ADCY5: variants seen among roughly 807,000 people sequenced by gnomAD.
The protein encoded by ADCY5 is adenylate cyclase type 5.
In ADCY5, 30 loss-of-function variants were observed where a neutral mutation model predicts 119.7. The observed-to-expected ratio is 0.25, with a 90% CI of 0.19 to 0.34. The LOEUF is 0.34. ADCY5 is among the 10% of genes least tolerant of loss of function. The pLI is 1.00. For synonymous variants in ADCY5, 753 were observed against 762.2 expected (o/e 0.99, Z 0.20); for missense variants, 1,324 against 1,775.2 (o/e 0.75, Z 4.57).
rs115290586 is a variant in ADCY5, at chr3:123,294,172, A to G, written c.3063+1912T>C. 3.5e-3 allele frequency among the ~76,000 whole-genome samples: 528 copies of G among 152,248 alleles called. 4 individuals carry two copies. The highest frequency in any genetic ancestry group is 0.014 in the Middle Eastern group (4 of 294). Reference sequence around the variant, plus strand: ...GAGAAGTGAATAAATAAGCAAATCAATGGAGGAGGAGGGACAGCTCTTCTG... The same window carrying G: ...GAGAAGTGAATAAATAAGCAAATCAGTGGAGGAGGAGGGACAGCTCTTCTG... On this transcript the variant is annotated intron_variant, in intron 17 of 20. Transcript: ENST00000462833.
intron 1 of ADCY5, among the ~76,000 whole-genome samples, chr3:123,354,455 A>G (rs1942968062): frequency 6.6e-6 from 1 of 152,208 alleles, no homozygotes; most frequent in Non-Finnish European, 1.5e-5. Flanking sequence ...TCCAGGAAGA[A>G]ATAGACCATG....
intron 1 of ADCY5, among the ~76,000 whole-genome samples, chr3:123,392,168 G>A (rs747486033): frequency 2.0e-5 from 3 of 152,206 alleles, no homozygotes; most frequent in South Asian, 2.1e-4. Context: ...TATAGCCTCC[G>A]TTATACTAAT....
In ADCY5 at chr3:123,327,648, G is replaced by T. The variant is rs769155291; in HGVS notation, c.1917C>A (p.Thr639=). Residue 639 remains threonine, a synonymous_variant, in exon 7 of 21, where the codon ACC becomes ACA. Coordinates refer to ENST00000462833, the MANE Select transcript of ADCY5 (RefSeq NM_183357.3). ...TCTGGGTGCAGCGCAGGATGAGGAA[G>T]GTCTCGATACTGTGCTCCTTGAGGT... ...NAYLKEHSIE[T]FLILRCTQKR... is the part of the protein sequence containing the mutation. 10 of 1,613,938 alleles carry T rather than the reference G, an allele frequency of 6.2e-6. No homozygotes were observed. The highest frequency in any genetic ancestry group is 3.3e-5 in the Admixed American group (2 of 59,980).
intron 10 of ADCY5, among the ~76,000 whole-genome samples, chr3:123,319,380 A>G (rs1941094795): frequency 6.6e-6 from 1 of 151,994 alleles, no homozygotes; most frequent in African/African-American, 2.4e-5. Context: ...AAAAAAGAAA[A>G]AAAAAAAGAA....
chr3:123,442,001 G>A (rs538785639), intron 1 of ADCY5, among the ~76,000 whole-genome samples: 2 of 151,172 alleles, frequency 1.3e-5, no homozygotes, highest in South Asian at 2.1e-4. Flanking sequence ...AAAAAAGCAG[G>A]GCTTTCCAAT....
intron 14 of ADCY5, 52 bp downstream of exon 14, chr3:123,303,003 G>A: frequency 6.3e-7 from 1 of 1,591,078 alleles, no homozygotes; most frequent in Admixed American, 1.7e-5. Context: ...TGACAGTGGG[G>A]GAGGGCAAGG....
rs1945878625 is a variant in ADCY5 at position 123,448,788 on chromosome 3, G to A, written c.-243C>T. On this transcript the variant is annotated 5_prime_UTR_variant, in exon 1 of 21. Coordinates refer to ENST00000462833, the MANE Select transcript of ADCY5 (RefSeq NM_183357.3). ...GAAGTCCCAGGTCCGAAATGGAGTT[G>A]CCTCCGAGGTGGGGTCGCAGGGACT... is the stretch of plus-strand genomic sequence containing the variant. 5.2e-6 allele frequency: 2 copies of A among 386,952 alleles called. No homozygotes were observed. The highest frequency in any genetic ancestry group is 2.9e-4 in the South Asian group (2 of 7,014). The allele number at this position is 386,952 out of a possible 1,614,324, so 24.0% of individuals were successfully genotyped here.
intron 1 of ADCY5, among the ~76,000 whole-genome samples, chr3:123,357,274 A>C (rs1379506408): frequency 6.6e-6 from 1 of 151,846 alleles, no homozygotes; most frequent in East Asian, 1.9e-4. Context: ...CATATCCAGG[A>C]GACTAAGAGA....
chr3:123,351,189 TG>T (rs1433263859), intron 2 of ADCY5, among the ~76,000 whole-genome samples: 1 of 151,764 alleles, frequency 6.6e-6, no homozygotes, highest in East Asian at 1.9e-4. Context: ...AGGTGGGGAC[TG>T]GGGGGCCTGG....
chr3:123,391,268 C>A (rs955506095), intron 1 of ADCY5, among the ~76,000 whole-genome samples: 3 of 152,156 alleles, frequency 2.0e-5, no homozygotes, highest in African/African-American at 7.2e-5. Flanking sequence ...AAAGCACGTG[C>A]CACTCCTGAG....
Position 123,447,715 on chromosome 3 carries a change from G to A in ADCY5, c.831C>T (p.Ala277=). 6.3e-7 allele frequency: 1 copy of A among 1,599,386 alleles called. No homozygotes were observed. Among genetic ancestry groups the A allele is most frequent in the Non-Finnish European group, 8.5e-7 (1 of 1,171,342 alleles). Residue 277 remains alanine (A), a synonymous_variant, in exon 1 of 21, where the codon GCC becomes GCT. Coordinates refer to ENST00000462833, the MANE Select transcript of ADCY5 (RefSeq NM_183357.3). ...QLPYLAVLAA[A]VGVILIMAVL... ...CAGCCATGATGAGGATCACGCCGAC[G>A]GCGGCCGCCAGCACGGCCAGGTAGG...
At chr3:123,313,093 G>A (rs1046474141) in intron 12 of ADCY5, among the ~76,000 whole-genome samples, 5 of 143,126 alleles carry the variant, frequency 3.5e-5, no homozygotes, top group Non-Finnish European at 7.4e-5. Flanking sequence ...GGCTCAGCGT[G>A]GCGTGCTTCT....
intron 1 of ADCY5, among the ~76,000 whole-genome samples, chr3:123,393,197 CAG>C (rs1266669412): frequency 6.6e-6 from 1 of 152,174 alleles, no homozygotes; most frequent in African/African-American, 2.4e-5. Flanking sequence ...CCCTCTCACT[CAG>C]AACTCTGCAG....
Position 123,325,411 on chromosome 3 carries a change from T to C in ADCY5, c.1999A>G (p.Ile667Val), listed in dbSNP as rs1576575939. The change falls in exon 8 of 21, where the codon ATC (isoleucine) becomes GTC (valine). Residue 667 changes from isoleucine (I) to valine (V), a missense_variant. Physicochemically the swap from Ile to Val is conservative, Grantham distance 29. Around this residue, in one of 6 missense-constraint regions of ADCY5, gnomAD observed 424 missense variants for 546.8 expected, o/e 0.78. Transcript: ENST00000462833. The part of the protein sequence containing the change: ...AKMNRQRTNS[I>V]GHNPPHWGAE... The stretch of plus-strand genomic sequence containing the variant: ...CCCCAGTGTGGTGGGTTGTGCCCGA[T>C]GGAGTTGGTTCTCTGGCGGTTCATC... 3.7e-6 allele frequency: 6 copies of C among 1,614,074 alleles called. No homozygotes were observed. In the Admixed American group the frequency reaches 6.7e-5, roughly 18 times the overall value.
At chr3:123,417,378 G>A (rs1272703438) in intron 1 of ADCY5, among the ~76,000 whole-genome samples, 5 of 152,204 alleles carry the variant, frequency 3.3e-5, no homozygotes, top group Non-Finnish European at 4.4e-5. Flanking sequence ...GGGAGATAAC[G>A]GCCCGCTGGC....
intron 1 of ADCY5, among the ~76,000 whole-genome samples, chr3:123,395,344 A>G (rs900945305): frequency 6.6e-6 from 1 of 151,980 alleles, no homozygotes; most frequent in Non-Finnish European, 1.5e-5. Flanking sequence ...CCTTCACAGC[A>G]CCTGTTCAGC....
At chr3:123,289,663 CG>C in intron 19 of ADCY5, 86 bp downstream of exon 19, 1 of 1,481,410 alleles carries the variant, frequency 6.8e-7, no homozygotes, top group Non-Finnish European at 9.4e-7. Flanking sequence ...ACCACAATGG[CG>C]GATGCGGTAT....
chr3:123,372,555 C>G (rs1004295384), intron 1 of ADCY5, among the ~76,000 whole-genome samples: 2 of 152,166 alleles, frequency 1.3e-5, no homozygotes, highest in East Asian at 3.9e-4. Flanking sequence ...GCCCACGACA[C>G]CAGATGCTAT....
chr3:123,323,244 C>T (rs772053189), intron 8 of ADCY5, among the ~76,000 whole-genome samples: 36 of 152,134 alleles, frequency 2.4e-4, no homozygotes, highest in Non-Finnish European at 4.4e-4. Context: ...AGGAGACTTC[C>T]TGGCAGCCTC....
Sources: gnomAD v4.1 joint callset for allele counts (sites outside exome capture counted in the v4.1 genomes callset) on GRCh38, gnomAD v4.1.1 for gene constraint, gnomAD v4.1.1 regional missense constraint, MANE v1.5 for transcripts, NCBI Gene and HGNC (gene_info 2026-07-23, HGNC 2026-07-21) for gene names.